FRMD3: variants seen among roughly 807,000 people sequenced by gnomAD.
FRMD3 encodes the protein FERM domain containing 3, also known as FERM domain-containing protein 3.
Under a neutral mutation model 70.2 loss-of-function variants are expected in FRMD3, and 33 were observed. The ratio of observed to expected loss-of-function variants is 0.47; its 90% CI spans 0.36 to 0.63. FRMD3 has a LOEUF of 0.63. Among genes scored for constraint, FRMD3 ranks in the 20% least tolerant of loss-of-function variants. The pLI is 0.00. For missense variants in FRMD3, 632 were observed against 711.4 expected (o/e 0.89, Z 1.27); for synonymous variants, 279 against 255.9 (o/e 1.09, Z -0.86).
chr9:83,422,938 C>T (rs563411253), intron 1 of FRMD3, among the ~76,000 whole-genome samples: 283 of 152,278 alleles, frequency 1.9e-3, no homozygotes, highest in Non-Finnish European at 3.3e-3. Context: ...CTTAGGCCAC[C>T]AGGCCAGGGA....
chr9:83,544,370 G>A, the FRMD3 span, among the ~76,000 whole-genome samples: 1 of 152,134 alleles, frequency 6.6e-6, no homozygotes, highest in African/African-American at 2.4e-5. Flanking sequence ...GCTTGTGCTT[G>A]GCATTGGGTT....
chr9:83,500,107 T>C (rs775202679), intron 1 of FRMD3, among the ~76,000 whole-genome samples: 10 of 152,020 alleles, frequency 6.6e-5, no homozygotes, highest in Non-Finnish European at 1.5e-4. Flanking sequence ...GATGAATAGG[T>C]AGAGCACTAA....
chr9:83,332,362 GTCTC>G (rs139408184), intron 6 of FRMD3, among the ~76,000 whole-genome samples: 3 of 150,460 alleles, frequency 2.0e-5, no homozygotes, highest in Admixed American at 6.6e-5. Flanking sequence ...GGAAGAGTCA[GTCTC>G]TCTCTCTCTC....
chr9:83,494,869 A>C (rs1203332938), intron 1 of FRMD3, among the ~76,000 whole-genome samples: 2 of 104,376 alleles, frequency 1.9e-5, no homozygotes, highest in African/African-American at 7.6e-5. Context: ...GCGCGCGCGC[A>C]TGTGCGTGTG....
At chr9:83,454,717 T>C (rs938717044) in intron 1 of FRMD3, among the ~76,000 whole-genome samples, 5 of 152,240 alleles carry the variant, frequency 3.3e-5, no homozygotes, top group African/African-American at 9.6e-5. Flanking sequence ...TTATACAAGA[T>C]GGCACACTGG....
intron 13 of FRMD3, among the ~76,000 whole-genome samples, chr9:83,255,560 G>A (rs547512045): frequency 8.5e-5 from 13 of 152,220 alleles, no homozygotes; most frequent in South Asian, 2.1e-4. Flanking sequence ...GAAATAAAGC[G>A]TATTCAAGTA....
At chr9:83,373,019 C>T in intron 2 of FRMD3, 64 bp from the exon 3 acceptor site, 2 of 1,363,028 alleles carry the variant, frequency 1.5e-6, no homozygotes, top group Non-Finnish European at 2.1e-6. Context: ...CAACGAATAC[C>T]TAATAACTAA....
At chr9:83,411,329 T>C (rs895488073) in intron 1 of FRMD3, among the ~76,000 whole-genome samples, 10 of 152,354 alleles carry the variant, frequency 6.6e-5, no homozygotes, top group South Asian at 2.1e-4. Flanking sequence ...TTCTGAAATA[T>C]CTTAATGTGT....
In FRMD3 at chr9:83,537,463, C is replaced by T. The variant is rs1829921674; in HGVS notation, c.147+622G>A. 6.6e-6 allele frequency among the ~76,000 whole-genome samples: 1 copy of T among 152,212 alleles called. No homozygotes were observed. Among genetic ancestry groups the T allele is most frequent in the African/African-American group, 2.4e-5 (1 of 41,462 alleles). On this transcript the variant is annotated intron_variant, in intron 1 of 13. Transcript: ENST00000304195. The surrounding 1 kb of genome is among the most constrained non-coding windows in gnomAD (Gnocchi z 4.1). ...TCGAGGTAGCTCCAGTCCGGCGCAG[C>T]GCGCGCTCCATCCCTCAAGGCTGGC...
At chr9:83,371,294 T>C (rs768826815) in intron 3 of FRMD3, among the ~76,000 whole-genome samples, 2 of 151,202 alleles carry the variant, frequency 1.3e-5, no homozygotes, top group East Asian at 1.9e-4. Context: ...TCATACTATA[T>C]AGCCTCCTGG....
chr9:83,411,771 T>G (rs1044300461), intron 1 of FRMD3, among the ~76,000 whole-genome samples: 2 of 152,260 alleles, frequency 1.3e-5, no homozygotes, highest in Non-Finnish European at 2.9e-5. Context: ...TTTTGAAGTA[T>G]GCAATTTTTC....
At chr9:83,490,821 C>CAA (rs1828807150) in intron 1 of FRMD3, among the ~76,000 whole-genome samples, 2 of 151,670 alleles carry the variant, frequency 1.3e-5, no homozygotes, top group South Asian at 4.2e-4. Flanking sequence ...CACACACACA[C>CAA]ACACACACCA....
intron 13 of FRMD3, among the ~76,000 whole-genome samples, chr9:83,251,504 G>A (rs1832427081): frequency 6.6e-6 from 1 of 152,176 alleles, no homozygotes; most frequent in Admixed American, 6.5e-5. Context: ...CACAGAACTG[G>A]GCTAAGGCTG....
intron 10 of FRMD3, among the ~76,000 whole-genome samples, chr9:83,304,352 T>C (rs1157386308): frequency 6.6e-6 from 1 of 152,172 alleles, no homozygotes; most frequent in Non-Finnish European, 1.5e-5. Context: ...TAGAACCTTA[T>C]TACTTGGAGT....
chr9:83,485,164 A>C (rs138490037), intron 1 of FRMD3, among the ~76,000 whole-genome samples: 1 of 152,210 alleles, frequency 6.6e-6, no homozygotes, highest in African/African-American at 2.4e-5. Flanking sequence ...CCATACAGAC[A>C]ACAAACCTGA....
At chr9:83,335,892 A>G (rs939428655) in intron 5 of FRMD3, among the ~76,000 whole-genome samples, 1 of 152,124 alleles carries the variant, frequency 6.6e-6, no homozygotes, top group Non-Finnish European at 1.5e-5. Context: ...AAGGATTTAA[A>G]TTACTGTTTT....
chr9:83,554,145 A>G, the FRMD3 span, among the ~76,000 whole-genome samples: 3 of 152,088 alleles, frequency 2.0e-5, no homozygotes, highest in Non-Finnish European at 2.9e-5. Context: ...TTGGTTTTGA[A>G]GCTTTGGGGT....
intron 12 of FRMD3, among the ~76,000 whole-genome samples, chr9:83,298,101 C>G (rs1252080853): frequency 6.6e-6 from 1 of 152,176 alleles, no homozygotes; most frequent in Non-Finnish European, 1.5e-5. Context: ...AATAATTTAG[C>G]TCATGGTGAT....
At chr9:83,514,007 C>T (rs1829397112) in intron 1 of FRMD3, among the ~76,000 whole-genome samples, 1 of 152,180 alleles carries the variant, frequency 6.6e-6, no homozygotes, top group Non-Finnish European at 1.5e-5. Context: ...ACCACAAGGG[C>T]CCTGGGTTTC....
Sources: allele counts gnomAD v4.1 joint callset (sites outside exome capture counted in the v4.1 genomes callset), GRCh38; gene constraint gnomAD v4.1.1; non-coding constraint Gnocchi (gnomAD v3.1); transcripts MANE v1.5; gene names NCBI Gene and HGNC (gene_info 2026-07-23, HGNC 2026-07-21).